The following NPEPPS variants were observed in gnomAD, a reference collection of about 807,000 sequenced individuals.
NPEPPS encodes puromycin-sensitive aminopeptidase.
A neutral mutation model predicts 115.5 loss-of-function variants in NPEPPS; 14 were observed. That is an observed-to-expected ratio of 0.12 (90% CI 0.08 to 0.19). The LOEUF (loss-of-function observed/expected upper bound fraction) is 0.19, where lower values mean the gene tolerates loss of function less well. NPEPPS is among the 10% of genes least tolerant of loss of function. The pLI is 1.00. For missense variants in NPEPPS, 523 were observed against 1,110.8 expected (o/e 0.47, Z 7.52); for synonymous variants, 285 against 390.6 (o/e 0.73, Z 3.19).
chr17:47,557,101 C>T (rs112577536), intron 2 of NPEPPS, among the ~76,000 whole-genome samples: 1 of 151,922 alleles, frequency 6.6e-6, no homozygotes. Context: ...ATTTTTGAGA[C>T]GGAGTCTCAC....
intron 2 of NPEPPS, among the ~76,000 whole-genome samples, chr17:47,562,410 G>GT (rs748459070): frequency 2.0e-5 from 3 of 152,202 alleles, no homozygotes; most frequent in Non-Finnish European, 2.9e-5. Flanking sequence ...ATTGCTTCTT[G>GT]TTGGTGGGGA....
At chr17:47,597,578 C>G (rs1256939029) in intron 13 of NPEPPS, among the ~76,000 whole-genome samples, 1 of 152,058 alleles carries the variant, frequency 6.6e-6, no homozygotes, top group Admixed American at 6.6e-5. Flanking sequence ...ATTGCCCAGC[C>G]TGGTCTGGAA....
At chr17:47,591,213 A>C (rs1912484029) in intron 10 of NPEPPS, among the ~76,000 whole-genome samples, 1 of 152,026 alleles carries the variant, frequency 6.6e-6, no homozygotes, top group African/African-American at 2.4e-5. Flanking sequence ...CTTTACTAAA[A>C]ATACAAAATT....
chr17:47,541,416 G>A (rs1908755289), intron 1 of NPEPPS, among the ~76,000 whole-genome samples: 1 of 149,914 alleles, frequency 6.7e-6, no homozygotes, highest in African/African-American at 2.5e-5. Flanking sequence ...TGCTTTTGTC[G>A]CCCAGGTTGG....
intron 18 of NPEPPS, 67 bp from the exon 19 acceptor site, chr17:47,613,597 GTCTTT>G: frequency 2.4e-6 from 3 of 1,253,570 alleles, no homozygotes; most frequent in Non-Finnish European, 3.5e-6. Flanking sequence ...CTTGCTTTCT[GTCTTT>G]TCTTAGTATT....
intron 2 of NPEPPS, among the ~76,000 whole-genome samples, chr17:47,566,583 C>T (rs1021762981): frequency 6.7e-6 from 1 of 149,596 alleles, no homozygotes; most frequent in East Asian, 2.0e-4. Context: ...TCACTGCAAC[C>T]TCCGCTCCCA....
Position 47,559,465 on chromosome 17 carries a change from C to T in NPEPPS, c.341-9952C>T, listed in dbSNP as rs184930733. The T allele has an allele frequency of 5.5e-3, 1,060 of 192,558 alleles. 8 individuals carry two copies. The highest frequency in any genetic ancestry group is 0.017 in the African/African-American group (729 of 41,982). 11.9% of individuals were successfully genotyped at this position (192,558 alleles called of 1,614,324 possible). On this transcript the variant is annotated intron_variant, in intron 2 of 22. Transcript: ENST00000322157. Reference sequence around the variant, plus strand: ...TTGTTTGTTTGTTTTTTTAAAGTAACTTCGCGTTACTTGCCAAATTTTTCA... The same window carrying T: ...TTGTTTGTTTGTTTTTTTAAAGTAATTTCGCGTTACTTGCCAAATTTTTCA...
intron 17 of NPEPPS, among the ~76,000 whole-genome samples, chr17:47,608,593 T>C (rs1913658486): frequency 6.6e-6 from 1 of 151,790 alleles, no homozygotes; most frequent in Non-Finnish European, 1.5e-5. Context: ...GGCAACATAG[T>C]GAGACTCATG....
intron 1 of NPEPPS, among the ~76,000 whole-genome samples, chr17:47,535,265 A>G (rs1908135885): frequency 1.2e-5 from 1 of 85,804 alleles, no homozygotes; most frequent in South Asian, 4.4e-4. Flanking sequence ...AAAAAAAAAA[A>G]AAAAGGCTGG....
At position 47,590,771 on chromosome 17, in the gene NPEPPS, C is replaced by T; in HGVS notation, c.1150C>T (p.Leu384=). 1 of 1,603,660 alleles carries T rather than the reference C, an allele frequency of 6.2e-7. No individual in the cohort carries two copies. The highest frequency in any genetic ancestry group is 8.5e-7 in the Non-Finnish European group (1 of 1,174,062). The change falls in exon 10 of 23, where the codon CTG becomes TTG. Residue 384 remains leucine (L), a synonymous_variant. Coordinates refer to ENST00000322157, the MANE Select transcript of NPEPPS (RefSeq NM_006310.4). ...AGGTTTTGCATCCTGGATTGAATAT[C>T]TGTGTGTAGACCACTGCTTCCCAGA... ...NEGFASWIEY[L]CVDHCFPEYD... is the part of the protein sequence containing the mutation.
At chr17:47,546,085 A>AGAGG (rs1376876057) in intron 2 of NPEPPS, 92 bp downstream of exon 2, 26 of 1,512,656 alleles carry the variant, frequency 1.7e-5, no homozygotes, top group Middle Eastern at 1.7e-4. Flanking sequence ...AGAGAGAGAG[A>AGAGG]GAGAGAGACA....
chr17:47,535,832 CTTTTT>C (rs553790964), intron 1 of NPEPPS, among the ~76,000 whole-genome samples: 1 of 100,992 alleles, frequency 9.9e-6, no homozygotes. Flanking sequence ...ATTGGGTATT[CTTTTT>C]TTTTTTTTTT....
intron 5 of NPEPPS, 61 bp from the exon 6 acceptor site, chr17:47,585,439 T>C: frequency 8.3e-7 from 1 of 1,198,988 alleles, no homozygotes; most frequent in Admixed American, 1.8e-5. Context: ...TTTTGGCTGG[T>C]ATTTGCTCTA....
chr17:47,610,845 C>CTTTTTTTTTTTTTT lies in NPEPPS; in HGVS notation c.2096-1602_2096-1589dup, dbSNP rs59893483. 1.9e-4 allele frequency among the ~76,000 whole-genome samples: 19 copies of CTTTTTTTTTTTTTT among 100,108 alleles called. 1 individual carries two copies. Among genetic ancestry groups the CTTTTTTTTTTTTTT allele is most frequent in the South Asian group, 1.2e-3 (4 of 3,218 alleles). The allele number at this position is 100,108 out of a possible 152,430, so 65.7% of individuals were successfully genotyped here. ...GAAATTGCTGAGTCATATGATGACTCTTTTTTTTTTTTTTTTTTTTTTTTT... is the reference window on the plus strand; with the variant it reads ...GAAATTGCTGAGTCATATGATGACTCTTTTTTTTTTTTTTTTTTTTTTTTTTTTTTTTTTTTTTT... On this transcript the variant is annotated intron_variant, in intron 17 of 22. Coordinates refer to ENST00000322157, the MANE Select transcript of NPEPPS (RefSeq NM_006310.4).
At chr17:47,585,989 A>C (rs1429911015) in intron 6 of NPEPPS, 159 bp from the exon 7 acceptor site, 3 of 649,860 alleles carry the variant, frequency 4.6e-6, no homozygotes, top group Non-Finnish European at 7.5e-6. Flanking sequence ...CATTGTATTC[A>C]AAGTTTGGAG....
chr17:47,622,640 CCTT>C lies in NPEPPS; in HGVS notation c.*724_*726del, dbSNP rs952223544. On this transcript the variant is annotated 3_prime_UTR_variant, in exon 23 of 23. Transcript: ENST00000322157. ...ACCCCCAACCCCCATTCCCTGGTGTCCTTCTTAGAGATGAAGAAATAATAAGGA... is the reference window on the plus strand; with the variant it reads ...ACCCCCAACCCCCATTCCCTGGTGTCCTTAGAGATGAAGAAATAATAAGGA... 10 of 307,868 alleles carry C rather than the reference CCTT, an allele frequency of 3.2e-5. No individual in the cohort carries two copies. The highest frequency in any genetic ancestry group is 1.1e-3 in the Middle Eastern group (1 of 870). The allele number at this position is 307,868 out of a possible 1,614,324, so 19.1% of individuals were successfully genotyped here.
At chr17:47,549,390 T>C (rs1259190200) in intron 2 of NPEPPS, among the ~76,000 whole-genome samples, 2 of 152,012 alleles carry the variant, frequency 1.3e-5, no homozygotes, top group African/African-American at 4.8e-5. Flanking sequence ...CTCAACACTT[T>C]TCTACCACAG....
intron 17 of NPEPPS, among the ~76,000 whole-genome samples, chr17:47,608,158 T>G (rs1286206026): frequency 6.6e-6 from 1 of 151,854 alleles, no homozygotes; most frequent in Non-Finnish European, 1.5e-5. Flanking sequence ...CATATTTGGG[T>G]GTAAAAGGGA....
chr17:47,554,371 T>A (rs532857069), intron 2 of NPEPPS, among the ~76,000 whole-genome samples: 1 of 151,360 alleles, frequency 6.6e-6, no homozygotes, highest in East Asian at 2.0e-4. Flanking sequence ...ATTATTTCAT[T>A]TATTTATTTT....
Sources: allele counts gnomAD v4.1 joint callset (sites outside exome capture counted in the v4.1 genomes callset), GRCh38; gene constraint gnomAD v4.1.1; transcripts MANE v1.5; gene names NCBI Gene and HGNC (gene_info 2026-07-23, HGNC 2026-07-21).